SUCLA2: variants seen among roughly 807,000 people sequenced by gnomAD.
The protein encoded by SUCLA2 is succinate-CoA ligase ADP-forming subunit beta.
A neutral mutation model predicts 54.8 loss-of-function variants in SUCLA2; 30 were observed. The observed-to-expected ratio is 0.55, with a 90% confidence interval of 0.41 to 0.74. SUCLA2 has a LOEUF of 0.74. Ranked by LOEUF, SUCLA2 falls within the 30% of genes least tolerant of loss-of-function variation. The probability of loss-of-function intolerance (pLI) is 0.00; values close to 1 mark genes in which losing one functional copy is unlikely to be tolerated. For missense variants in SUCLA2, 476 were observed against 562.9 expected (o/e 0.85, Z 1.56); for synonymous variants, 172 against 188.9 (o/e 0.91, Z 0.74).
intron 1 of SUCLA2, among the ~76,000 whole-genome samples, chr13:47,997,579 G>A (rs909777925): frequency 6.6e-6 from 1 of 152,204 alleles, no homozygotes; most frequent in Non-Finnish European, 1.5e-5. Flanking sequence ...GCTGCTGGGA[G>A]TGCTGGTTGC....
chr13:48,000,984 G>C, intron 1 of SUCLA2, 196 bp downstream of exon 1: 1 of 1,441,776 alleles, frequency 6.9e-7, no homozygotes. Context: ...CTAAGGGCTG[G>C]GTCAGAGCCG....
Position 47,997,040 on chromosome 13 carries a change from CAT to C in SUCLA2, c.91-19_91-18del. The stretch of plus-strand genomic sequence containing the variant: ...TCCCAGAACCTAGAAAGATTGGGGA[CAT>C]ATTTATATATGACAGTGATTTGGCA... On this transcript the variant is annotated intron_variant, in intron 1 of 10. Coordinates refer to ENST00000646932, the MANE Select transcript of SUCLA2 (RefSeq NM_003850.3). The C allele has an allele frequency of 6.2e-7, 1 of 1,613,832 alleles. No individual in the cohort carries two copies. The highest frequency in any genetic ancestry group is 8.5e-7 in the Non-Finnish European group (1 of 1,179,862).
chr13:47,985,805 A>AT (rs1404289293), intron 4 of SUCLA2, among the ~76,000 whole-genome samples: 2 of 152,142 alleles, frequency 1.3e-5, no homozygotes, highest in Non-Finnish European at 2.9e-5. Context: ...TCTTTGAGGA[A>AT]TTGCCACACT....
At chr13:47,973,422 T>C in intron 4 of SUCLA2, 30 bp from the exon 5 acceptor site, 2 of 1,610,064 alleles carry the variant, frequency 1.2e-6, no homozygotes, top group South Asian at 1.1e-5. Context: ...ACCAAAACTC[T>C]AGATTTATTT....
rs1426420911 is a variant in SUCLA2, at chr13:47,948,963, C to T, written c.1294G>A (p.Asp432Asn). ...ACCATTCTAGCAGCTTCATCCAAGT[C>T]ATCACAAGCAAGTATTTTAAGTCCA... The part of the protein sequence containing the change: ...DSGLKILACD[D>N]LDEAARMVVK... The change falls in exon 10 of 11, where the codon GAC becomes AAC. Residue 432 changes from aspartate to asparagine, a missense_variant. By Grantham distance (23) the Asp-to-Asn change is conservative. Transcript: ENST00000646932. The T allele has an allele frequency of 6.8e-6, 11 of 1,613,700 alleles. No homozygotes were observed. The highest frequency in any genetic ancestry group is 8.5e-6 in the Non-Finnish European group (10 of 1,179,790).
intron 4 of SUCLA2, among the ~76,000 whole-genome samples, chr13:47,973,660 T>C (rs1037292660): frequency 6.6e-6 from 1 of 152,084 alleles, no homozygotes; most frequent in African/African-American, 2.4e-5. Flanking sequence ...CAAAAACTTA[T>C]ACCACAATAG....
At chr13:48,001,099 C>T in intron 1 of SUCLA2, 81 bp downstream of exon 1, 1 of 1,535,032 alleles carries the variant, frequency 6.5e-7, no homozygotes, top group Non-Finnish European at 8.8e-7. Flanking sequence ...CGAAGTGACC[C>T]CGAGCCGGGC....
chr13:47,954,150 G>A lies in SUCLA2; in HGVS notation c.1097C>T (p.Ser366Leu). 6.2e-7 allele frequency: 1 copy of A among 1,613,166 alleles called. No individual in the cohort carries two copies. The highest frequency in any genetic ancestry group is 1.3e-5 in the African/African-American group (1 of 74,886). ...QVTEAFKLITSDKKVLAILVN... is the reference protein window; with the variant it reads ...QVTEAFKLITLDKKVLAILVN... ...AAGCCCTGCCCTTACCTTTTTATCT[G>A]AAGTGATAAGCTTAAATGCTTCTGT... is the stretch of plus-strand genomic sequence containing the variant. The change falls in exon 8 of 11, where the codon TCA (serine) becomes TTA (leucine). Residue 366 changes from serine (S) to leucine (L), a missense_variant. Physicochemically the swap from Ser to Leu is moderately radical, Grantham distance 145. Around this residue, in one of 2 missense-constraint regions of SUCLA2, gnomAD observed 342 missense variants for 444.2 expected, o/e 0.77. Transcript: ENST00000646932.
chr13:47,995,953 T>C (rs2137752710), intron 2 of SUCLA2, among the ~76,000 whole-genome samples: 1 of 152,348 alleles, frequency 6.6e-6, no homozygotes, highest in South Asian at 2.1e-4. Context: ...TTAATATTTA[T>C]TCATTTAGTA....
intron 1 of SUCLA2, 67 bp downstream of exon 1, chr13:48,001,113 G>A (rs1316281586): frequency 2.3e-5 from 35 of 1,543,084 alleles, no homozygotes; most frequent in African/African-American, 1.2e-4. Flanking sequence ...GCCGGGCCAC[G>A]GGACCCCTCA....
At position 47,961,714 on chromosome 13, in the gene SUCLA2, G is replaced by A. The variant is rs1021279197; in HGVS notation, c.802+6881C>T. ...TCTACGACATTCCTGAAATTCTGAT[G>A]TGTCTTAATATATGTTGTCAGTAGT... On this transcript the variant is annotated intron_variant, in intron 6 of 10. Coordinates refer to ENST00000646932, the MANE Select transcript of SUCLA2 (RefSeq NM_003850.3). 2.6e-5 allele frequency among the ~76,000 whole-genome samples: 4 copies of A among 152,148 alleles called. 1 individual carries two copies. The South Asian group carries it at 6.2e-4, about 24-fold the overall frequency.
intron 10 of SUCLA2, among the ~76,000 whole-genome samples, chr13:47,943,910 GA>G (rs912006870): frequency 2.0e-5 from 3 of 152,028 alleles, no homozygotes; most frequent in African/African-American, 7.2e-5. Flanking sequence ...TGTTGGGATA[GA>G]AATTTGGGTC....
chr13:47,965,142 GAA>G (rs1306641231), intron 6 of SUCLA2, among the ~76,000 whole-genome samples: 6 of 152,080 alleles, frequency 3.9e-5, no homozygotes, highest in African/African-American at 1.4e-4. Flanking sequence ...GGGCAGAAGA[GAA>G]AGCTCTTCCG....
chr13:47,972,444 G>A (rs534061944), intron 5 of SUCLA2, among the ~76,000 whole-genome samples: 1 of 151,992 alleles, frequency 6.6e-6, no homozygotes, highest in East Asian at 2.0e-4. Context: ...CGAGGCGGGT[G>A]GATCACCTGA....
intron 1 of SUCLA2, among the ~76,000 whole-genome samples, chr13:48,000,426 AAT>A (rs1209249558): frequency 6.6e-6 from 1 of 152,212 alleles, no homozygotes; most frequent in Non-Finnish European, 1.5e-5. Context: ...TCTTAACCAT[AAT>A]ATGTTCAACA....
At chr13:47,969,827 C>T (rs1015545496) in intron 5 of SUCLA2, among the ~76,000 whole-genome samples, 1 of 152,032 alleles carries the variant, frequency 6.6e-6, no homozygotes, top group Non-Finnish European at 1.5e-5. Flanking sequence ...GTAGGCTGGG[C>T]GCAGTGGCTC....
chr13:47,979,096 G>A (rs1950040951), intron 4 of SUCLA2, among the ~76,000 whole-genome samples: 1 of 152,176 alleles, frequency 6.6e-6, no homozygotes, highest in Admixed American at 6.5e-5. Context: ...CCATTGTGGA[G>A]GACAGTGTGG....
chr13:47,945,067 T>C (rs1949718588), intron 10 of SUCLA2, among the ~76,000 whole-genome samples: 1 of 151,638 alleles, frequency 6.6e-6, no homozygotes, highest in Non-Finnish European at 1.5e-5. Flanking sequence ...CTGACCAACA[T>C]GGTGAAACCG....
chr13:47,948,408 T>C (rs757873677), intron 10 of SUCLA2, among the ~76,000 whole-genome samples: 1 of 152,072 alleles, frequency 6.6e-6, no homozygotes, highest in African/African-American at 2.4e-5. Context: ...TGTGTGAAGA[T>C]AGGGTCTCCC....
Sources: gnomAD v4.1 joint callset for allele counts (sites outside exome capture counted in the v4.1 genomes callset) on GRCh38, gnomAD v4.1.1 for gene constraint, gnomAD v4.1.1 regional missense constraint, MANE v1.5 for transcripts, NCBI Gene and HGNC (gene_info 2026-07-23, HGNC 2026-07-21) for gene names.